PTPRZ1: variants seen among roughly 807,000 people sequenced by gnomAD.
PTPRZ1 encodes receptor-type tyrosine-protein phosphatase zeta.
A neutral mutation model predicts 214.1 loss-of-function variants in PTPRZ1; 82 were observed. That is an observed-to-expected ratio of 0.38 (90% CI 0.32 to 0.46). The LOEUF (loss-of-function observed/expected upper bound fraction) is 0.46, where lower values mean the gene tolerates loss of function less well. Ranked by LOEUF, PTPRZ1 falls within the 20% of genes least tolerant of loss-of-function variation. The pLI is 1.00. For missense variants in PTPRZ1, 2,603 were observed against 2,748.7 expected (o/e 0.95, Z 1.19); for synonymous variants, 945 against 987.9 (o/e 0.96, Z 0.81).
chr7:121,989,823 A>T (rs1797893717), intron 8 of PTPRZ1, among the ~76,000 whole-genome samples: 1 of 152,214 alleles, frequency 6.6e-6, no homozygotes, highest in African/African-American at 2.4e-5. Context: ...GAAAATATAG[A>T]TAAGCACACA....
intron 1 of PTPRZ1, among the ~76,000 whole-genome samples, chr7:121,923,764 A>C (rs996531812): frequency 2.0e-5 from 3 of 152,056 alleles, no homozygotes; most frequent in Admixed American, 6.5e-5. Context: ...AGGAAAACAA[A>C]ACTTTGATTT....
At position 122,008,873 on chromosome 7, in the gene PTPRZ1, AC is replaced by A. The variant is rs778404042; in HGVS notation, c.1288-1459del. ...AGGAAAGAAGAGATAATTGGCACCA[AC>A]CAATTTTCCCTAAAAGCAAGTCAAG... On this transcript the variant is annotated intron_variant, in intron 11 of 29. Transcript: ENST00000393386. 1.1e-3 allele frequency among the ~76,000 whole-genome samples: 163 copies of A among 152,230 alleles called. 3 individuals carry two copies. Among genetic ancestry groups the A allele is most frequent in the Admixed American group, 1.6e-3 (24 of 15,260 alleles).
At chr7:121,929,372 T>A (rs1248082588) in intron 2 of PTPRZ1, among the ~76,000 whole-genome samples, 1 of 152,090 alleles carries the variant, frequency 6.6e-6, no homozygotes, top group Non-Finnish European at 1.5e-5. Context: ...AATTTTTTTA[T>A]TATGTAACCA....
At chr7:121,962,182 G>T (rs1246849630) in intron 2 of PTPRZ1, among the ~76,000 whole-genome samples, 1 of 152,132 alleles carries the variant, frequency 6.6e-6, no homozygotes, top group Non-Finnish European at 1.5e-5. Context: ...AGGCACAGTG[G>T]TTCACACCTG....
At chr7:121,990,653 G>A (rs1176575671) in intron 8 of PTPRZ1, among the ~76,000 whole-genome samples, 2 of 150,752 alleles carry the variant, frequency 1.3e-5, no homozygotes, top group Non-Finnish European at 2.9e-5. Context: ...CCTAGTAGCT[G>A]GGACTACAGG....
intron 20 of PTPRZ1, 89 bp from the exon 21 acceptor site, chr7:122,040,727 A>G: frequency 1.3e-6 from 1 of 798,404 alleles, no homozygotes; most frequent in Non-Finnish European, 1.7e-6. Context: ...CTGTTGAAGA[A>G]CCGTGTGTGT....
chr7:121,924,934 C>G (rs996113216), intron 1 of PTPRZ1, among the ~76,000 whole-genome samples: 8 of 152,162 alleles, frequency 5.3e-5, no homozygotes, highest in Non-Finnish European at 1.2e-4. Flanking sequence ...GCTAATGAAT[C>G]TGTAGCCCGC....
rs1369896965 is a variant in PTPRZ1, at chr7:122,004,588, T to C, written c.1241-26T>C. The C allele has an allele frequency of 9.9e-6, 12 of 1,214,210 alleles. No homozygotes were observed. The Admixed American group carries it at 2.7e-4, about 27-fold the overall frequency. 75.2% of individuals were successfully genotyped at this position (1,214,210 alleles called of 1,614,324 possible). On this transcript the variant is annotated intron_variant, in intron 10 of 29. Transcript: ENST00000393386. ...GGCCGAAATAGTTGAATAAAAACTT[T>C]AATAATTTTGTTTTTAATTTTGTAG...
chr7:121,930,624 A>G (rs185830480), intron 2 of PTPRZ1, among the ~76,000 whole-genome samples: 11 of 152,286 alleles, frequency 7.2e-5, no homozygotes, highest in African/African-American at 2.4e-4. Context: ...TTAGTCAAAA[A>G]TGGAGTCTAA....
intron 1 of PTPRZ1, among the ~76,000 whole-genome samples, chr7:121,906,470 T>A (rs534446610): frequency 1.3e-5 from 2 of 152,328 alleles, no homozygotes; most frequent in South Asian, 4.1e-4. Context: ...TAAATTTTGT[T>A]TGATTGTATC....
intron 1 of PTPRZ1, among the ~76,000 whole-genome samples, chr7:121,924,431 T>C (rs893657348): frequency 1.3e-5 from 2 of 152,134 alleles, no homozygotes; most frequent in African/African-American, 2.4e-5. Context: ...CCAAGCACTA[T>C]GTAATTAGCA....
chr7:121,924,054 T>C, intron 1 of PTPRZ1, among the ~76,000 whole-genome samples: 1 of 152,120 alleles, frequency 6.6e-6, no homozygotes, highest in East Asian at 1.9e-4. Context: ...GATTTGCTAA[T>C]ATGTATTTTC....
At chr7:122,058,230 T>A (rs899211032) in intron 27 of PTPRZ1, among the ~76,000 whole-genome samples, 11 of 151,940 alleles carry the variant, frequency 7.2e-5, no homozygotes, top group South Asian at 4.1e-4. Context: ...ATCATTTTTT[T>A]AAAAAAGTAC....
chr7:121,981,313 G>C (rs1302981445), intron 6 of PTPRZ1, among the ~76,000 whole-genome samples: 1 of 152,112 alleles, frequency 6.6e-6, no homozygotes, highest in Admixed American at 6.5e-5. Flanking sequence ...ATGGTCTAGC[G>C]TGGGGCCTGA....
chr7:121,883,183 G>A (rs1794293533), intron 1 of PTPRZ1, among the ~76,000 whole-genome samples: 1 of 152,152 alleles, frequency 6.6e-6, no homozygotes, highest in Admixed American at 6.6e-5. Context: ...CATTTTCTCT[G>A]AACAGATTAA....
rs1219220527 is a variant in PTPRZ1, at chr7:121,873,193, A to G, written c.-307A>G. ...GGCCGCCGCAGCCGGCGAAAGAGGC[A>G]AAGTCCCGCACGCCGGAGGACATGC... On this transcript the variant is annotated 5_prime_UTR_variant, in exon 1 of 30. Coordinates refer to ENST00000393386, the MANE Select transcript of PTPRZ1 (RefSeq NM_002851.3). 2.9e-5 allele frequency: 12 copies of G among 415,676 alleles called. No individual in the cohort carries two copies. Among genetic ancestry groups the G allele is most frequent in the Non-Finnish European group, 4.7e-5 (11 of 236,460 alleles). The allele number at this position is 415,676 out of a possible 1,614,324, so 25.7% of individuals were successfully genotyped here. A position where few individuals can be genotyped will look rare whatever the true frequency, so the allele number is the denominator to read the frequency against.
At chr7:121,969,579 A>T (rs1411284489) in intron 3 of PTPRZ1, among the ~76,000 whole-genome samples, 2 of 147,502 alleles carry the variant, frequency 1.4e-5, no homozygotes, top group South Asian at 2.2e-4. Flanking sequence ...AAAAAAAAAA[A>T]AATCTCATGA....
intron 23 of PTPRZ1, among the ~76,000 whole-genome samples, chr7:122,048,912 AAGAC>A (rs1792083451): frequency 6.6e-6 from 1 of 152,222 alleles, no homozygotes; most frequent in African/African-American, 2.4e-5. Context: ...AAACTGAACA[AAGAC>A]AGAATAAGAC....
chr7:121,980,219 G>A (rs759287740), intron 6 of PTPRZ1, among the ~76,000 whole-genome samples: 9 of 152,030 alleles, frequency 5.9e-5, no homozygotes, highest in Non-Finnish European at 8.8e-5. Context: ...TCAATTTCTG[G>A]CTCTTTACCT....
Sources: allele counts gnomAD v4.1 joint callset (sites outside exome capture counted in the v4.1 genomes callset), GRCh38; gene constraint gnomAD v4.1.1; transcripts MANE v1.5; gene names NCBI Gene and HGNC (gene_info 2026-07-23, HGNC 2026-07-21).